MAF: variants seen among roughly 807,000 people sequenced by gnomAD.
MAF encodes MAF bZIP transcription factor, also known as transcription factor Maf.
Under a neutral mutation model 22.0 loss-of-function variants are expected in MAF, and 10 were observed. The observed-to-expected ratio is 0.45, with a 90% CI of 0.28 to 0.77. The LOEUF is 0.77. Ranked by LOEUF, MAF falls within the 30% of genes least tolerant of loss-of-function variation. The pLI is 0.12. For synonymous variants in MAF, 337 were observed against 255.8 expected (o/e 1.32, Z -3.03); for missense variants, 544 against 548.4 (o/e 0.99, Z 0.08).
the MAF span, among the ~76,000 whole-genome samples, chr16:79,518,664 A>G: frequency 6.6e-6 from 1 of 152,232 alleles, no homozygotes. Context: ...GGATAAAGTT[A>G]ATATATGTAA....
chr16:79,462,558 C>G, the MAF span, among the ~76,000 whole-genome samples: 1 of 152,266 alleles, frequency 6.6e-6, no homozygotes, highest in Middle Eastern at 3.4e-3. Flanking sequence ...CATATATGCA[C>G]ATATACATGT....
chr16:79,401,191 C>G, the MAF span, among the ~76,000 whole-genome samples: 2 of 152,230 alleles, frequency 1.3e-5, no homozygotes, highest in Non-Finnish European at 2.9e-5. Context: ...TGCCTATTCT[C>G]CCGCGTGGAT....
chr16:79,327,720 C>A, the MAF span, among the ~76,000 whole-genome samples: 1 of 152,216 alleles, frequency 6.6e-6, no homozygotes, highest in Non-Finnish European at 1.5e-5. Flanking sequence ...GTCGCAGGGA[C>A]TGTGCCACAA....
chr16:79,375,412 G>A, the MAF span, among the ~76,000 whole-genome samples: 2 of 152,154 alleles, frequency 1.3e-5, no homozygotes, highest in African/African-American at 4.8e-5. Context: ...CTTCCCATAA[G>A]AGAGAGCAAC....
At chr16:79,209,206 G>A in the MAF span, among the ~76,000 whole-genome samples, 2 of 152,186 alleles carry the variant, frequency 1.3e-5, no homozygotes, top group Admixed American at 6.5e-5. Flanking sequence ...ATGAAATGAA[G>A]CCAGTTGTAA....
chr16:79,398,955 T>A, the MAF span, among the ~76,000 whole-genome samples: 26 of 152,316 alleles, frequency 1.7e-4, 1 homozygote, highest in Middle Eastern at 3.4e-3. Context: ...GCCTGCAGTG[T>A]TGTCCATCTC....
chr16:79,249,735 T>C, the MAF span, among the ~76,000 whole-genome samples: 1 of 152,122 alleles, frequency 6.6e-6, no homozygotes, highest in South Asian at 2.1e-4. Context: ...TCCCTGGCTG[T>C]TCCCCGCTCC....
chr16:79,233,691 G>C, the MAF span, among the ~76,000 whole-genome samples: 2 of 152,120 alleles, frequency 1.3e-5, no homozygotes, highest in South Asian at 4.1e-4. Context: ...TAGACAAGCA[G>C]ATTCAAGAAT....
the MAF span, among the ~76,000 whole-genome samples, chr16:79,404,404 T>G: frequency 6.6e-6 from 1 of 152,142 alleles, no homozygotes; most frequent in African/African-American, 2.4e-5. Flanking sequence ...CCTCGTGATC[T>G]GCCCGCCTTG....
In MAF at chr16:79,594,345, A is replaced by G; in HGVS notation, c.*115T>C. On this transcript the variant is annotated 3_prime_UTR_variant, in exon 2 of 2. Transcript: ENST00000326043. ...ATTTAATAGCCTTCTTCTCTAACAC[A>G]GTAATTTTTATTTAAAAAGGAGACT... is the stretch of plus-strand genomic sequence containing the variant. 1 of 946,076 alleles carries G rather than the reference A, an allele frequency of 1.1e-6. No homozygotes were observed. The highest frequency in any genetic ancestry group is 1.7e-6 in the Non-Finnish European group (1 of 602,580). The allele number at this position is 946,076 out of a possible 1,614,324, so 58.6% of individuals were successfully genotyped here. A position where few individuals can be genotyped will look rare whatever the true frequency, so the allele number is the denominator to read the frequency against.
the MAF span, among the ~76,000 whole-genome samples, chr16:79,247,868 A>G: frequency 2.0e-5 from 3 of 152,240 alleles, no homozygotes; most frequent in Non-Finnish European, 4.4e-5. Flanking sequence ...TAATTATATT[A>G]GAAAATAGCC....
the MAF span, among the ~76,000 whole-genome samples, chr16:79,434,177 C>T: frequency 6.6e-6 from 1 of 152,240 alleles, no homozygotes; most frequent in Non-Finnish European, 1.5e-5. Flanking sequence ...TTCTCAACAT[C>T]ACTAGCTAGG....
At chr16:79,346,466 C>T in the MAF span, among the ~76,000 whole-genome samples, 5 of 151,852 alleles carry the variant, frequency 3.3e-5, no homozygotes, top group Non-Finnish European at 7.4e-5. Context: ...ACTCTGAAAT[C>T]AGAAGAAAAA....
At chr16:79,285,747 G>A in the MAF span, among the ~76,000 whole-genome samples, 1 of 152,164 alleles carries the variant, frequency 6.6e-6, no homozygotes, top group East Asian at 1.9e-4. Flanking sequence ...CACCAAATGA[G>A]GGCACTGACG....
the MAF span, chr16:79,205,375 T>C: frequency 6.9e-4 from 105 of 152,334 alleles, no homozygotes; most frequent in African/African-American, 2.2e-3. Flanking sequence ...CTGAGGTTTT[T>C]CTACCTTTGT....
the MAF span, among the ~76,000 whole-genome samples, chr16:79,410,094 T>C: frequency 6.6e-6 from 1 of 152,220 alleles, no homozygotes; most frequent in Admixed American, 6.5e-5. Context: ...CCAGTGGCCA[T>C]ACTTCAACCA....
At chr16:79,406,808 A>T in the MAF span, among the ~76,000 whole-genome samples, 1 of 152,146 alleles carries the variant, frequency 6.6e-6, no homozygotes, top group African/African-American at 2.4e-5. Context: ...CTTTCTGTAC[A>T]TGTGCCCAAG....
At chr16:79,215,542 C>T in the MAF span, among the ~76,000 whole-genome samples, 1 of 152,148 alleles carries the variant, frequency 6.6e-6, no homozygotes, top group African/African-American at 2.4e-5. Flanking sequence ...TGCTGGCCTC[C>T]TGCTTCCTGG....
At chr16:79,283,494 T>C in the MAF span, among the ~76,000 whole-genome samples, 1 of 152,250 alleles carries the variant, frequency 6.6e-6, no homozygotes. Context: ...TCCCAAATTC[T>C]ACATCCAACG....
Sources: gnomAD v4.1 joint callset for allele counts (sites outside exome capture counted in the v4.1 genomes callset) on GRCh38, gnomAD v4.1.1 for gene constraint, MANE v1.5 for transcripts, NCBI Gene and HGNC (gene_info 2026-07-23, HGNC 2026-07-21) for gene names.